The following BRD10 variants were observed in gnomAD, a reference collection of about 807,000 sequenced individuals.
The protein encoded by BRD10 is bromodomain containing 10.
chr9:5,921,653 C>T, the BRD10 span: 7 of 1,613,784 alleles, frequency 4.3e-6, no homozygotes, highest in East Asian at 1.6e-4. Context: ...AACAGGGTAA[C>T]TTTTTGTGAT....
At chr9:5,923,198 T>A in the BRD10 span, 2 of 1,614,016 alleles carry the variant, frequency 1.2e-6, no homozygotes, top group South Asian at 1.1e-5. Context: ...TTGTTTGGAC[T>A]GTCGTTTAAG....
At chr9:5,891,646 C>T in the BRD10 span, among the ~76,000 whole-genome samples, 49 of 151,874 alleles carry the variant, frequency 3.2e-4, 1 homozygote, top group African/African-American at 1.1e-3. Context: ...TTTTAATGAG[C>T]GTACTTGAAT....
the BRD10 span, among the ~76,000 whole-genome samples, chr9:5,913,624 GA>G: frequency 6.6e-6 from 1 of 152,158 alleles, no homozygotes; most frequent in South Asian, 2.1e-4. Flanking sequence ...AAATCATATG[GA>G]AGGTGATACA....
chr9:5,956,968 G>A, the BRD10 span, among the ~76,000 whole-genome samples: 2 of 152,072 alleles, frequency 1.3e-5, no homozygotes. Flanking sequence ...AGTCTAGGGG[G>A]TAGGAAAAGG....
At chr9:5,920,965 T>C in the BRD10 span, 6 of 1,613,712 alleles carry the variant, frequency 3.7e-6, no homozygotes, top group Admixed American at 1.7e-5. Flanking sequence ...AAACAGGAGG[T>C]TGTGCCCCAG....
chr9:5,911,506 C>T, the BRD10 span, among the ~76,000 whole-genome samples: 1 of 145,386 alleles, frequency 6.9e-6, no homozygotes. Context: ...CAGTTTTGTT[C>T]TTTTTGCTTA....
chr9:5,922,591 A>G, the BRD10 span: 1 of 1,613,990 alleles, frequency 6.2e-7, no homozygotes, highest in South Asian at 1.1e-5. Flanking sequence ...AAGATGAACA[A>G]TGTTGTTCTG....
the BRD10 span, among the ~76,000 whole-genome samples, chr9:5,900,890 G>A: frequency 1.4e-5 from 2 of 148,094 alleles, no homozygotes; most frequent in Non-Finnish European, 3.0e-5. Context: ...CATGGCCCTT[G>A]CTCTCAGCTC....
the BRD10 span, chr9:5,923,361 G>C: frequency 7.6e-7 from 1 of 1,308,842 alleles, no homozygotes; most frequent in South Asian, 1.4e-5. Context: ...CAACTAAATA[G>C]TAATAACATC....
At chr9:5,961,278 A>G in the BRD10 span, among the ~76,000 whole-genome samples, 20 of 152,222 alleles carry the variant, frequency 1.3e-4, no homozygotes, top group African/African-American at 4.6e-4. Context: ...AACAGCAAGG[A>G]AAATTTTAAC....
At chr9:5,993,824 G>C in the BRD10 span, among the ~76,000 whole-genome samples, 1 of 152,158 alleles carries the variant, frequency 6.6e-6, no homozygotes, top group African/African-American at 2.4e-5. Flanking sequence ...CAGTGCACAA[G>C]GGTAGAAAAT....
chr9:5,880,622 T>G, the BRD10 span, among the ~76,000 whole-genome samples: 72 of 152,266 alleles, frequency 4.7e-4, 2 homozygotes, highest in Admixed American at 4.7e-3. Flanking sequence ...CAGGAAGAAA[T>G]TAGAAAACAT....
the BRD10 span, among the ~76,000 whole-genome samples, chr9:5,912,344 A>G: frequency 6.6e-6 from 1 of 152,012 alleles, no homozygotes; most frequent in Non-Finnish European, 1.5e-5. Flanking sequence ...CTTTCTTCCT[A>G]ATTTGAATGT....
At chr9:5,939,818 T>G in the BRD10 span, among the ~76,000 whole-genome samples, 2 of 152,214 alleles carry the variant, frequency 1.3e-5, no homozygotes, top group Non-Finnish European at 1.5e-5. Context: ...GTGTAGGATG[T>G]TCAGCAGCAA....
chr9:5,893,625 C>G, the BRD10 span, among the ~76,000 whole-genome samples: 1 of 152,264 alleles, frequency 6.6e-6, no homozygotes, highest in South Asian at 2.1e-4. Flanking sequence ...AGCCCATTGC[C>G]CGTGCTATTA....
chr9:5,885,154 T>TATCC, the BRD10 span, among the ~76,000 whole-genome samples: 1 of 152,154 alleles, frequency 6.6e-6, no homozygotes, highest in South Asian at 2.1e-4. Context: ...ACCTCGCCAC[T>TATCC]ATCCCCTCAC....
At chr9:5,904,797 G>A in the BRD10 span, among the ~76,000 whole-genome samples, 21 of 129,308 alleles carry the variant, frequency 1.6e-4, no homozygotes, top group East Asian at 4.7e-4. Flanking sequence ...TTTTTGAGAC[G>A]GAGTCTCACT....
At chr9:5,993,833 A>G in the BRD10 span, among the ~76,000 whole-genome samples, 1 of 152,196 alleles carries the variant, frequency 6.6e-6, no homozygotes, top group African/African-American at 2.4e-5. Context: ...AGGGTAGAAA[A>G]TGCATTTACA....
At chr9:5,952,878 T>TA in the BRD10 span, among the ~76,000 whole-genome samples, 1 of 152,226 alleles carries the variant, frequency 6.6e-6, no homozygotes, top group Non-Finnish European at 1.5e-5. Context: ...GTAAAATTGT[T>TA]ATTTTTTTAT....
Sources: allele counts gnomAD v4.1 joint callset (sites outside exome capture counted in the v4.1 genomes callset), GRCh38; gene constraint gnomAD v4.1.1; transcripts MANE v1.5; gene names NCBI Gene and HGNC (gene_info 2026-07-23, HGNC 2026-07-21).